Variants in NMRAL1 observed in about 807,000 individuals in gnomAD.
NMRAL1 encodes the protein NmrA like redox sensor 1, also known as nmrA-like family domain-containing protein 1.
Under a neutral mutation model 27.5 loss-of-function variants are expected in NMRAL1, and 32 were observed. That is an observed-to-expected ratio of 1.16 (90% CI 0.88 to 1.56). The LOEUF (loss-of-function observed/expected upper bound fraction) is 1.56, where lower values mean the gene tolerates loss of function less well. NMRAL1 is among the 40% of genes most tolerant of loss of function. The pLI, the probability that NMRAL1 is intolerant of heterozygous loss-of-function variation, is 0.00. For synonymous variants in NMRAL1, 166 were observed against 166.8 expected (o/e 1.00, Z 0.04); for missense variants, 420 against 392.0 (o/e 1.07, Z -0.60).
At chr16:4,465,910 C>G (rs1280289307) in intron 4 of NMRAL1, among the ~76,000 whole-genome samples, 6 of 152,128 alleles carry the variant, frequency 3.9e-5, no homozygotes, top group Admixed American at 3.9e-4. Context: ...ATGGACCAAG[C>G]GAATATCGTG....
rs1387535477 is a variant in NMRAL1, at chr16:4,466,516, A to G, written c.280-114T>C. 4.1e-6 allele frequency: 4 copies of G among 979,312 alleles called. No homozygotes were observed. The African/African-American group carries it at 4.9e-5, about 12-fold the overall frequency. The allele number at this position is 979,312 out of a possible 1,614,324, so 60.7% of individuals were successfully genotyped here. ...CACCATCTGCGAGGTTAACATCTAG[A>G]CCCCACTTACCCTTGAGGAGGCCCC... On this transcript the variant is annotated intron_variant, in intron 3 of 5. Coordinates refer to ENST00000283429, the MANE Select transcript of NMRAL1 (RefSeq NM_020677.6).
chr16:4,472,917 G>C (rs547466162), intron 2 of NMRAL1, among the ~76,000 whole-genome samples: 1 of 151,786 alleles, frequency 6.6e-6, no homozygotes, highest in East Asian at 1.9e-4. Context: ...GAGCTTTCTA[G>C]GGGTTGGCTG....
rs1349525530 is a variant in NMRAL1 at position 4,468,654 on chromosome 16, A to T, written c.279+573T>A. Among the ~76,000 whole-genome samples the T allele has an allele frequency of 1.8e-4, 28 of 151,554 alleles. 1 individual carries two copies. Among genetic ancestry groups the T allele is most frequent in the Admixed American group, 1.8e-3 (28 of 15,188 alleles). ...AAAAAAAGATCTGCGTTAATCAGAG[A>T]AGTTGTCTTTGTCTGCTCTATATAA... is the stretch of plus-strand genomic sequence containing the variant. On this transcript the variant is annotated intron_variant, in intron 3 of 5. Transcript: ENST00000283429.
chr16:4,475,616 A>C (rs1026035203), upstream of NMRAL1, among the ~76,000 whole-genome samples: 1 of 151,344 alleles, frequency 6.6e-6, no homozygotes, highest in African/African-American at 2.4e-5. Context: ...CCGGCCCACG[A>C]TTTCAGTAAT....
At chr16:4,474,361 T>G in intron 1 of NMRAL1, 193 bp downstream of exon 1, 9 of 491,598 alleles carry the variant, frequency 1.8e-5, no homozygotes, top group Non-Finnish European at 2.2e-5. Context: ...CCCCTCCTCC[T>G]TCCCGCCTCC....
chr16:4,466,670 C>T (rs746957612), intron 3 of NMRAL1: 7 of 488,010 alleles, frequency 1.4e-5, no homozygotes, highest in East Asian at 3.8e-5. Context: ...TGCAGGGGGA[C>T]GGCCTGCATG....
At chr16:4,469,576 C>A in intron 2 of NMRAL1, 111 bp from the exon 3 acceptor site, 1 of 1,538,240 alleles carries the variant, frequency 6.5e-7, no homozygotes. Context: ...AGGAAACCTT[C>A]TCAACGACGA....
At chr16:4,466,099 A>T in intron 4 of NMRAL1, 54 bp downstream of exon 4, 1 of 1,604,672 alleles carries the variant, frequency 6.2e-7, no homozygotes, top group Non-Finnish European at 8.5e-7. Context: ...TGTTACACCA[A>T]CGGCTTTACA....
chr16:4,461,752 C>T lies in NMRAL1; in HGVS notation c.*28G>A, dbSNP rs777295138. 1.3e-5 allele frequency: 20 copies of T among 1,574,404 alleles called. No individual in the cohort carries two copies. The highest frequency in any genetic ancestry group is 1.6e-5 in the Non-Finnish European group (19 of 1,160,388). On this transcript the variant is annotated 3_prime_UTR_variant, in exon 6 of 6. Transcript: ENST00000283429. ...CCTCTGCCCCTCTGGTGCCCCCGAT[C>T]CCCACAAGGGGCCGCGAGGCGGGCA... is the stretch of plus-strand genomic sequence containing the variant.
intron 3 of NMRAL1, chr16:4,467,082 A>C (rs1422396735): frequency 1.3e-5 from 2 of 152,322 alleles, no homozygotes; most frequent in African/African-American, 2.4e-5. Context: ...TCCAGTAACC[A>C]GGGTACTTAT....
At chr16:4,467,823 T>C (rs1411878620) in intron 3 of NMRAL1, among the ~76,000 whole-genome samples, 2 of 151,756 alleles carry the variant, frequency 1.3e-5, no homozygotes, top group Non-Finnish European at 2.9e-5. Flanking sequence ...TTTCACTGTG[T>C]TGGCCAGGAT....
chr16:4,469,342 A>C lies in NMRAL1; in HGVS notation c.164T>G (p.Val55Gly), dbSNP rs376569795. 1.6e-5 allele frequency: 26 copies of C among 1,613,902 alleles called. No homozygotes were observed. The highest frequency in any genetic ancestry group is 2.2e-5 in the Non-Finnish European group (26 of 1,179,922). ...GACCTGGTCATCTTGGTCTCCCTGC[A>C]CTACTTCTGCACCTTGCAGCCTCAG... ...KELRLQGAEVVQGDQDDQVIM... is the reference protein window; with the variant it reads ...KELRLQGAEVGQGDQDDQVIM... Residue 55 changes from valine (V) to glycine (G), a missense_variant, in exon 3 of 6, where the codon GTG becomes GGG. Val to Gly is a moderately radical substitution (Grantham distance 109). Transcript: ENST00000283429.
Position 4,461,915 on chromosome 16 carries a change from C to T in NMRAL1, c.765G>A (p.Arg255=). Residue 255 remains arginine, a synonymous_variant, in exon 6 of 6, where the codon CGG becomes CGA. Transcript: ENST00000283429. ...DYEKLGFPGA[R]DLANMFRFYA... is the part of the protein sequence containing the mutation. ...AGAAACGGAACATGTTGGCCAGGTCCCGGGCACCGGGAAAGCCAAGCTTTT... is the reference window on the plus strand; with the variant it reads ...AGAAACGGAACATGTTGGCCAGGTCTCGGGCACCGGGAAAGCCAAGCTTTT... The T allele has an allele frequency of 6.2e-7, 1 of 1,614,096 alleles. No homozygotes were observed. The highest frequency in any genetic ancestry group is 8.5e-7 in the Non-Finnish European group (1 of 1,179,990).
At chr16:4,462,009 G>A in intron 5 of NMRAL1, 50 bp from the exon 6 acceptor site, 1 of 1,525,122 alleles carries the variant, frequency 6.6e-7, no homozygotes, top group Middle Eastern at 1.8e-4. Flanking sequence ...TGCCCCGGGA[G>A]GTGGCGGGGC....
At chr16:4,471,285 ACACAGGCATGCG>A (rs1476249121) in intron 2 of NMRAL1, 2 of 152,308 alleles carry the variant, frequency 1.3e-5, no homozygotes. Flanking sequence ...AGCTTGAGTC[ACACAGGCATGCG>A]CATCGGTCAG....
rs2057466188 is a variant in NMRAL1 at position 4,469,476 on chromosome 16, T to C, written c.41-11A>G. ...AGCCACCCTGGGCACCTACAAAGAA[T>C]CAAAAAGACCTCTCAGGTCAGACCT... is the stretch of plus-strand genomic sequence containing the variant. On this transcript the variant is annotated splice_polypyrimidine_tract_variant and intron_variant, in intron 2 of 5. Coordinates refer to ENST00000283429, the MANE Select transcript of NMRAL1 (RefSeq NM_020677.6). 1 of 1,612,688 alleles carries C rather than the reference T, an allele frequency of 6.2e-7. No homozygotes were observed. The highest frequency in any genetic ancestry group is 8.5e-7 in the Non-Finnish European group (1 of 1,179,114).
intron 4 of NMRAL1, among the ~76,000 whole-genome samples, chr16:4,464,868 G>A (rs909916155): frequency 1.5e-4 from 23 of 151,364 alleles, no homozygotes; most frequent in African/African-American, 4.9e-4. Flanking sequence ...CGCCCTCCTC[G>A]GCCTCCCAAA....
intron 3 of NMRAL1, among the ~76,000 whole-genome samples, chr16:4,468,789 G>A (rs566197138): frequency 6.6e-6 from 1 of 152,156 alleles, no homozygotes; most frequent in African/African-American, 2.4e-5. Flanking sequence ...CCACGGGAGG[G>A]AGGGAGGCAA....
upstream of NMRAL1, among the ~76,000 whole-genome samples, chr16:4,475,703 C>T (rs1306433232): frequency 6.6e-6 from 1 of 151,058 alleles, no homozygotes; most frequent in Admixed American, 6.6e-5. Flanking sequence ...TTTGGGAGGC[C>T]GAGGCGGGTG....
Sources: gnomAD v4.1 joint callset for allele counts (sites outside exome capture counted in the v4.1 genomes callset) on GRCh38, gnomAD v4.1.1 for gene constraint, MANE v1.5 for transcripts, NCBI Gene and HGNC (gene_info 2026-07-23, HGNC 2026-07-21) for gene names.